The following GALNT17 variants were observed in gnomAD, a reference collection of about 807,000 sequenced individuals.
The protein encoded by GALNT17 is UDP-GalNAc:polypeptide N-acetylgalactosaminyltransferase-like 3.
Under a neutral mutation model 63.7 loss-of-function variants are expected in GALNT17, and 29 were observed. The observed-to-expected ratio is 0.46, with a 90% CI of 0.34 to 0.62. The LOEUF is 0.62. GALNT17 is among the 20% of genes least tolerant of loss of function. The pLI is 0.01. For synonymous variants in GALNT17, 305 were observed against 318.3 expected (o/e 0.96, Z 0.45); for missense variants, 603 against 799.6 (o/e 0.75, Z 2.97).
At chr7:71,668,794 G>T (rs1584124320) in intron 7 of GALNT17, among the ~76,000 whole-genome samples, 1 of 152,180 alleles carries the variant, frequency 6.6e-6, no homozygotes, top group African/African-American at 2.4e-5. Context: ...TTCCCTGTCA[G>T]CACACAGCAG....
At chr7:71,646,748 T>TC (rs1790681623) in intron 6 of GALNT17, among the ~76,000 whole-genome samples, 3 of 2,956 alleles carry the variant, frequency 1.0e-3, no homozygotes, top group Admixed American at 0.017. Context: ...CCAAGTTTCC[T>TC]TTTTTTTTTT....
At chr7:71,418,175 T>G (rs1176946571) in intron 4 of GALNT17, among the ~76,000 whole-genome samples, 1 of 152,198 alleles carries the variant, frequency 6.6e-6, no homozygotes, top group Non-Finnish European at 1.5e-5. Flanking sequence ...GTATCTGCCC[T>G]CAAGTCTACA....
chr7:71,236,591 G>C (rs1032006043), intron 1 of GALNT17, among the ~76,000 whole-genome samples: 18 of 152,086 alleles, frequency 1.2e-4, no homozygotes, highest in Non-Finnish European at 2.5e-4. Flanking sequence ...GCTGTCATCT[G>C]TCCCACCTGG....
In GALNT17 at chr7:71,211,933, G is replaced by A. The variant is rs139793214; in HGVS notation, c.238+78893G>A. The stretch of plus-strand genomic sequence containing the variant: ...AAGGGAAACAGAGCATAAAAGTTTG[G>A]AAAATTTGCAGCCTATGTGATAGAA... On this transcript the variant is annotated intron_variant, in intron 1 of 10. Transcript: ENST00000333538. Among the ~76,000 whole-genome samples, 1,078 of 152,290 alleles carry A rather than the reference G, an allele frequency of 7.1e-3. 11 individuals carry two copies. The highest frequency in any genetic ancestry group is 0.025 in the African/African-American group (1,029 of 41,562).
chr7:71,595,737 AG>A (rs1397837432), intron 6 of GALNT17, among the ~76,000 whole-genome samples: 2 of 152,088 alleles, frequency 1.3e-5, no homozygotes. Context: ...CCAGAAGGTC[AG>A]GCAGCAACAC....
intron 1 of GALNT17, among the ~76,000 whole-genome samples, chr7:71,233,331 G>T (rs1260450241): frequency 6.6e-6 from 1 of 152,156 alleles, no homozygotes; most frequent in African/African-American, 2.4e-5. Context: ...GATGGCGAGG[G>T]AGCTGGGCAG....
At chr7:71,646,191 C>T (rs1399457828) in intron 6 of GALNT17, among the ~76,000 whole-genome samples, 1 of 152,228 alleles carries the variant, frequency 6.6e-6, no homozygotes, top group Non-Finnish European at 1.5e-5. Flanking sequence ...TTCAGAAACC[C>T]CGGATTTCCT....
chr7:71,203,539 ATT>A (rs1489470798), intron 1 of GALNT17, among the ~76,000 whole-genome samples: 14 of 152,194 alleles, frequency 9.2e-5, no homozygotes, highest in African/African-American at 3.4e-4. Context: ...AATTTTGGAT[ATT>A]AACCCCTTGT....
At chr7:71,520,390 G>T (rs1181016601) in intron 5 of GALNT17, among the ~76,000 whole-genome samples, 1 of 152,104 alleles carries the variant, frequency 6.6e-6, no homozygotes, top group Non-Finnish European at 1.5e-5. Flanking sequence ...GGGTGTGGTG[G>T]TGCAGACCTG....
intron 5 of GALNT17, among the ~76,000 whole-genome samples, chr7:71,425,061 T>G (rs560199478): frequency 6.6e-5 from 10 of 152,294 alleles, no homozygotes; most frequent in African/African-American, 2.4e-4. Flanking sequence ...ACTTTTATTT[T>G]TCCACACCAG....
At chr7:71,356,917 G>A (rs1792297477) in intron 2 of GALNT17, among the ~76,000 whole-genome samples, 1 of 152,086 alleles carries the variant, frequency 6.6e-6, no homozygotes, top group Non-Finnish European at 1.5e-5. Flanking sequence ...AAGTAGCTGG[G>A]ATTACAGGCA....
chr7:71,512,622 A>G (rs1053173063), intron 5 of GALNT17, among the ~76,000 whole-genome samples: 2 of 152,172 alleles, frequency 1.3e-5, no homozygotes, highest in African/African-American at 4.8e-5. Flanking sequence ...GATGAACGTG[A>G]GAGACCATTG....
At chr7:71,522,243 A>G (rs889178026) in intron 5 of GALNT17, among the ~76,000 whole-genome samples, 3 of 152,168 alleles carry the variant, frequency 2.0e-5, no homozygotes, top group African/African-American at 7.2e-5. Context: ...CCTCTTGAGC[A>G]TGGTTGGCCC....
intron 1 of GALNT17, among the ~76,000 whole-genome samples, chr7:71,228,939 T>G (rs1174433989): frequency 6.6e-6 from 1 of 152,128 alleles, no homozygotes; most frequent in Non-Finnish European, 1.5e-5. Flanking sequence ...ACTGATTTGA[T>G]CCTACCTGGC....
chr7:71,613,867 A>G (rs993434197), intron 6 of GALNT17, among the ~76,000 whole-genome samples: 6 of 149,606 alleles, frequency 4.0e-5, no homozygotes, highest in African/African-American at 5.0e-5. Flanking sequence ...CAAAAGGATC[A>G]CTTGAGCCCA....
chr7:71,608,206 C>T (rs1790074295), intron 6 of GALNT17, among the ~76,000 whole-genome samples: 1 of 152,120 alleles, frequency 6.6e-6, no homozygotes, highest in Non-Finnish European at 1.5e-5. Context: ...AGAGTTTCAC[C>T]CCCTGAATCT....
chr7:71,285,926 TC>T (rs762400555), intron 1 of GALNT17, among the ~76,000 whole-genome samples: 5 of 152,198 alleles, frequency 3.3e-5, no homozygotes, highest in Non-Finnish European at 7.3e-5. Context: ...TATTTCTAGT[TC>T]CGGGCAGCTC....
intron 1 of GALNT17, among the ~76,000 whole-genome samples, chr7:71,313,763 A>G (rs762869073): frequency 4.4e-4 from 67 of 152,164 alleles, no homozygotes; most frequent in South Asian, 1.5e-3. Context: ...AATTTGCATA[A>G]CAATGATTAC....
intron 1 of GALNT17, among the ~76,000 whole-genome samples, chr7:71,306,035 A>G (rs1441934626): frequency 6.6e-6 from 1 of 152,092 alleles, no homozygotes; most frequent in African/African-American, 2.4e-5. Context: ...CCTGGCCAAC[A>G]TGGCTAAACT....
Sources: gnomAD v4.1 joint callset for allele counts (sites outside exome capture counted in the v4.1 genomes callset) on GRCh38, gnomAD v4.1.1 for gene constraint, MANE v1.5 for transcripts, NCBI Gene and HGNC (gene_info 2026-07-23, HGNC 2026-07-21) for gene names.